ZNF184: variants seen among roughly 807,000 people sequenced by gnomAD.
ZNF184 encodes the protein zinc finger protein 184, also known as zinc finger protein 184 (Kruppel-like).
In ZNF184, 16 loss-of-function variants were observed where a neutral mutation model predicts 54.4. The observed-to-expected ratio is 0.29, with a 90% CI of 0.20 to 0.45. ZNF184 has a LOEUF of 0.45. Ranked by LOEUF, ZNF184 falls within the 20% of genes least tolerant of loss-of-function variation. ZNF184 has a pLI of 1.00. For missense variants in ZNF184, 681 were observed against 888.2 expected, an observed-to-expected ratio of 0.77 and a Z score of 2.97; for synonymous variants, 254 against 295.3, an observed-to-expected ratio of 0.86 and a Z score of 1.43.
At chr6:27,423,807 TATTC>T in the ZNF184 span, among the ~76,000 whole-genome samples, 1 of 152,252 alleles carries the variant, frequency 6.6e-6, no homozygotes, top group Admixed American at 6.5e-5. Flanking sequence ...AATGTTCACA[TATTC>T]ATTTTAAACT....
In ZNF184 at chr6:27,456,810, G is replaced by T. The variant is rs889244899; in HGVS notation, c.298+16C>A. 3 of 1,607,362 alleles carry T rather than the reference G, an allele frequency of 1.9e-6. No individual in the cohort carries two copies. Among genetic ancestry groups the T allele is most frequent in the African/African-American group, 2.7e-5 (2 of 74,816 alleles). On this transcript the variant is annotated intron_variant, in intron 5 of 5. Coordinates refer to ENST00000683788, the MANE Select transcript of ZNF184 (RefSeq NM_001318891.2). ...TCGGAGTTAATGATATTCATCTGCT[G>T]GCATCCATGACTTACCTGCACAGGT...
intron 4 of ZNF184, 129 bp from the exon 5 acceptor site, chr6:27,457,050 A>G: frequency 1.0e-6 from 1 of 968,220 alleles, no homozygotes; most frequent in Non-Finnish European, 1.5e-6. Flanking sequence ...ATAGCATATC[A>G]AGCTTTAGTG....
the ZNF184 span, among the ~76,000 whole-genome samples, chr6:27,411,957 G>T: frequency 6.6e-6 from 1 of 151,778 alleles, no homozygotes; most frequent in Admixed American, 6.6e-5. Flanking sequence ...ATACTGCGGG[G>T]TGGATGAGGA....
the ZNF184 span, among the ~76,000 whole-genome samples, chr6:27,408,447 T>G: frequency 3.9e-5 from 6 of 152,210 alleles, no homozygotes; most frequent in African/African-American, 1.2e-4. Context: ...TTAAACATGG[T>G]CAGTATTCTC....
chr6:27,441,441 C>A, the ZNF184 span, among the ~76,000 whole-genome samples: 1 of 152,230 alleles, frequency 6.6e-6, no homozygotes, highest in African/African-American at 2.4e-5. Flanking sequence ...TCTCAAACTC[C>A]TGGGCCCAAG....
chr6:27,458,536 A>G (rs994502649), intron 3 of ZNF184, among the ~76,000 whole-genome samples: 6 of 152,120 alleles, frequency 3.9e-5, no homozygotes, highest in African/African-American at 1.4e-4. Flanking sequence ...ACTAAATGCA[A>G]ATCAAAACCA....
the ZNF184 span, among the ~76,000 whole-genome samples, chr6:27,444,664 C>T: frequency 9.2e-5 from 14 of 152,106 alleles, no homozygotes; most frequent in African/African-American, 3.1e-4. Context: ...CACCACTGAC[C>T]TTCTCACTGC....
intron 5 of ZNF184, among the ~76,000 whole-genome samples, chr6:27,454,709 C>T (rs1016980236): frequency 6.6e-6 from 1 of 152,140 alleles, no homozygotes; most frequent in African/African-American, 2.4e-5. Context: ...CAATAACCAA[C>T]AGAATTACTA....
the ZNF184 span, chr6:27,405,168 A>C: frequency 9.8e-5 from 15 of 152,306 alleles, no homozygotes; most frequent in South Asian, 4.1e-4. Flanking sequence ...AATATTTTAG[A>C]GTGTACTTCT....
the ZNF184 span, among the ~76,000 whole-genome samples, chr6:27,408,727 G>A: frequency 1.3e-5 from 2 of 152,146 alleles, no homozygotes; most frequent in Admixed American, 6.5e-5. Flanking sequence ...ACCTGGGAGA[G>A]ATCTTGAATT....
chr6:27,470,345 G>A (rs1320629676), intron 2 of ZNF184, among the ~76,000 whole-genome samples: 1 of 152,156 alleles, frequency 6.6e-6, no homozygotes, highest in African/African-American at 2.4e-5. Flanking sequence ...AGGTGGGGGT[G>A]ATGAATAATA....
intron 3 of ZNF184, among the ~76,000 whole-genome samples, chr6:27,463,902 G>C (rs888868436): frequency 2.2e-5 from 3 of 136,810 alleles, no homozygotes; most frequent in African/African-American, 8.0e-5. Flanking sequence ...GTTAAAGGAA[G>C]TCCTTCGACC....
Position 27,452,009 on chromosome 6 carries a change from A to C in ZNF184, c.1550T>G (p.Leu517Arg). 1.2e-6 allele frequency: 2 copies of C among 1,613,920 alleles called. No homozygotes were observed. The highest frequency in any genetic ancestry group is 1.7e-6 in the Non-Finnish European group (2 of 1,180,012). ...AGTATGAGTTTTCTGATGCTGATTAAGGTTTGAGAGATAACTGAAAGCCTT... is the reference window on the plus strand; with the variant it reads ...AGTATGAGTTTTCTGATGCTGATTACGGTTTGAGAGATAACTGAAAGCCTT... Reference protein sequence around the residue: ...CGKAFSYLSNLNQHQKTHTQE... With the variant: ...CGKAFSYLSNRNQHQKTHTQE... Residue 517 changes from leucine to arginine, a missense_variant, in exon 6 of 6, where the codon CTT becomes CGT. By Grantham distance (102) the Leu-to-Arg change is moderately radical (BLOSUM62 -2). Coordinates refer to ENST00000683788, the MANE Select transcript of ZNF184 (RefSeq NM_001318891.2). The surrounding 1 kb of genome is among the most constrained non-coding windows in gnomAD (Gnocchi z 5.5).
intron 3 of ZNF184, among the ~76,000 whole-genome samples, chr6:27,462,203 A>AT (rs916301155): frequency 5.2e-4 from 76 of 146,890 alleles, no homozygotes; most frequent in Middle Eastern, 3.6e-3. Flanking sequence ...AGGTTCAAGA[A>AT]TTTTTTTTTT....
At chr6:27,449,876 G>GA (rs955711810), downstream of ZNF184, among the ~76,000 whole-genome samples, 3 of 151,578 alleles carry the variant, frequency 2.0e-5, no homozygotes, top group Non-Finnish European at 1.5e-5. Context: ...TTACAATCAA[G>GA]AAAAAAAAGA....
the ZNF184 span, among the ~76,000 whole-genome samples, chr6:27,416,298 A>T: frequency 2.0e-5 from 3 of 152,222 alleles, no homozygotes; most frequent in Non-Finnish European, 2.9e-5. Flanking sequence ...GAGATGGCAT[A>T]TGTTTAGAAT....
At position 27,452,141 on chromosome 6, in the gene ZNF184, G is replaced by T. The variant is rs1762744895; in HGVS notation, c.1418C>A (p.Pro473His). 6.2e-7 allele frequency: 1 copy of T among 1,614,124 alleles called. No individual in the cohort carries two copies. The highest frequency in any genetic ancestry group is 1.6e-4 in the Middle Eastern group (1 of 6,062). ...CTTTCCACATTCATTGCATTTGTAA[G>T]GTTTTTCTCCAGTATGAATTTTCAG... ...QHLKIHTGEK[P>H]YKCNECGKAF... Residue 473 changes from proline to histidine, a missense_variant, in exon 6 of 6, where the codon CCT (proline) becomes CAT (histidine). Coordinates refer to ENST00000683788, the MANE Select transcript of ZNF184 (RefSeq NM_001318891.2). This position sits in a 1 kb window ranked among gnomAD's most constrained non-coding sequence, Gnocchi z 5.5.
chr6:27,417,374 A>G, the ZNF184 span, among the ~76,000 whole-genome samples: 2 of 151,164 alleles, frequency 1.3e-5, no homozygotes, highest in Non-Finnish European at 2.9e-5. Flanking sequence ...CTTTCTCTCT[A>G]GACAATTCTG....
At chr6:27,457,159 CT>C in intron 4 of ZNF184, 123 bp downstream of exon 4, 1 of 1,382,440 alleles carries the variant, frequency 7.2e-7, no homozygotes, top group Non-Finnish European at 9.8e-7. Flanking sequence ...TGGTAGAAAC[CT>C]TTTCAAAAAC....
Sources: gnomAD v4.1 joint callset for allele counts (sites outside exome capture counted in the v4.1 genomes callset) on GRCh38, gnomAD v4.1.1 for gene constraint, Gnocchi (gnomAD v3.1) non-coding constraint, MANE v1.5 for transcripts, NCBI Gene and HGNC (gene_info 2026-07-23, HGNC 2026-07-21) for gene names.